The following COL11A2 variants were observed in gnomAD, a reference collection of about 807,000 sequenced individuals.
COL11A2 encodes the protein collagen alpha-2(XI) chain.
In COL11A2, 116 loss-of-function variants were observed where a neutral mutation model predicts 273.4. That is an observed-to-expected ratio of 0.42 (90% CI 0.36 to 0.49). The LOEUF is 0.49. Ranked by LOEUF, COL11A2 falls within the 20% of genes least tolerant of loss-of-function variation. COL11A2 has a pLI of 0.00. For missense variants in COL11A2, 1,866 were observed against 2,309.0 expected (o/e 0.81, Z 3.93); for synonymous variants, 782 against 864.2 (o/e 0.90, Z 1.67).
At position 33,170,579 on chromosome 6, in the gene COL11A2, T is replaced by C; in HGVS notation, c.3506A>G (p.Glu1169Gly). 6.2e-7 allele frequency: 1 copy of C among 1,612,272 alleles called. No homozygotes were observed. The highest frequency in any genetic ancestry group is 8.5e-7 in the Non-Finnish European group (1 of 1,179,798). Residue 1169 changes from glutamate to glycine, a missense_variant, in exon 47 of 66, where the codon GAA (glutamate) becomes GGA (glycine). By Grantham distance (98) the Glu-to-Gly change is moderately conservative (BLOSUM62 -2). Transcript: ENST00000341947. This position sits in a 1 kb window ranked among gnomAD's most constrained non-coding sequence, Gnocchi z 4.3. Reference sequence around the variant, plus strand: ...CACCATAGGACCCACATCTCCTGTTTCTCCCTTCTCCCCAGAGGGGCCTGG... The same window carrying C: ...CACCATAGGACCCACATCTCCTGTTCCTCCCTTCTCCCCAGAGGGGCCTGG... ...GLPGPSGEKG[E>G]TGDVGPMGPP...
rs1195261986 is a variant in COL11A2, at chr6:33,169,750, AAGG to A, written c.3690+78_3690+80del. The A allele has an allele frequency of 5.8e-6, 9 of 1,548,650 alleles. No individual in the cohort carries two copies. The African/African-American group carries it at 1.1e-4, about 19-fold the overall frequency. On this transcript the variant is annotated intron_variant, in intron 50 of 65. Transcript: ENST00000341947. The surrounding 1 kb of genome is among the most constrained non-coding windows in gnomAD (Gnocchi z 5.5). ...TCTTGCTGCAGAGGAGTTCCAGCTC[AAGG>A]AGGTCACAGGAAAAGTGGAGGCAGG... is the stretch of plus-strand genomic sequence containing the variant.
chr6:33,174,721 C>T (rs1295193033), intron 30 of COL11A2, 141 bp from the exon 31 acceptor site: 2 of 789,042 alleles, frequency 2.5e-6, no homozygotes, highest in African/African-American at 3.4e-5. Flanking sequence ...CCCCTCATTG[C>T]TTGCCCCACA....
chr6:33,177,634 G>C lies in COL11A2; in HGVS notation c.1917+28C>G, dbSNP rs1319292654. Reference sequence around the variant, plus strand: ...GCAGGGACCTCGGGGGATAAGAATGGGGGTGGGATCTCCTATCCATCACTC... The same window carrying C: ...GCAGGGACCTCGGGGGATAAGAATGCGGGTGGGATCTCCTATCCATCACTC... On this transcript the variant is annotated intron_variant, in intron 22 of 65. Transcript: ENST00000341947. The surrounding 1 kb of genome is among the most constrained non-coding windows in gnomAD (Gnocchi z 5.9). 4 of 1,612,372 alleles carry C rather than the reference G, an allele frequency of 2.5e-6. No homozygotes were observed. Among genetic ancestry groups the C allele is most frequent in the Non-Finnish European group, 3.4e-6 (4 of 1,179,594 alleles).
rs528560777 is a variant in COL11A2, at chr6:33,163,550, G to T, written c.*128C>A. 5 of 1,475,880 alleles carry T rather than the reference G, an allele frequency of 3.4e-6. No homozygotes were observed. The highest frequency in any genetic ancestry group is 2.8e-5 in the African/African-American group (2 of 71,966). The allele number at this position is 1,475,880 out of a possible 1,614,324, so 91.4% of individuals were successfully genotyped here. A position where few individuals can be genotyped will look rare whatever the true frequency, so the allele number is the denominator to read the frequency against. On this transcript the variant is annotated 3_prime_UTR_variant, in exon 66 of 66. Transcript: ENST00000341947. The surrounding 1 kb of genome is among the most constrained non-coding windows in gnomAD (Gnocchi z 4.1). ...CCTCCCCTGGCCTGCCCCGACTGAG[G>T]GCTCTCCACGCCCTGGCCCAGGGCT...
Position 33,166,685 on chromosome 6 carries a change from C to G in COL11A2, c.4338+35G>C, listed in dbSNP as rs758093145. 2 of 1,613,186 alleles carry G rather than the reference C, an allele frequency of 1.2e-6. No individual in the cohort carries two copies. The highest frequency in any genetic ancestry group is 1.1e-5 in the South Asian group (1 of 91,072). Reference sequence around the variant, plus strand: ...CCACCCCTCTCCACCCCACTCTCAACCCCCACAACTTCCGGGACCATGCCC... The same window carrying G: ...CCACCCCTCTCCACCCCACTCTCAAGCCCCACAACTTCCGGGACCATGCCC... On this transcript the variant is annotated intron_variant, in intron 59 of 65. Transcript: ENST00000341947. The surrounding 1 kb of genome is among the most constrained non-coding windows in gnomAD (Gnocchi z 4.8).
At chr6:33,186,894 G>A (rs1772491923) in intron 4 of COL11A2, 76 bp from the exon 5 acceptor site, 1 of 1,597,930 alleles carries the variant, frequency 6.3e-7, no homozygotes, top group Non-Finnish European at 8.5e-7. Flanking sequence ...AAAGAGTATA[G>A]GAGGCCAATC....
At position 33,169,321 on chromosome 6, in the gene COL11A2, T is replaced by A. The variant is rs548075851; in HGVS notation, c.3798+62A>T. ...CAAGATCCTCCCTCACACACACCCA[T>A]ATTCCCAGGTCTGTCATTCACAGGG... On this transcript the variant is annotated intron_variant, in intron 51 of 65. Coordinates refer to ENST00000341947, the MANE Select transcript of COL11A2 (RefSeq NM_080680.3). The surrounding 1 kb of genome is among the most constrained non-coding windows in gnomAD (Gnocchi z 5.5). 258 of 1,443,662 alleles carry A rather than the reference T, an allele frequency of 1.8e-4. No individual in the cohort carries two copies. In the South Asian group the frequency reaches 2.8e-3, roughly 16 times the overall value. The allele number at this position is 1,443,662 out of a possible 1,614,324, so 89.4% of individuals were successfully genotyped here.
Position 33,164,708 on chromosome 6 carries a change from A to G in COL11A2, c.4863+144T>C. Reference sequence around the variant, plus strand: ...TCAGAGGACCGGTGAAAAGGAAAAGAAGAAAGAGCTAAGAAGTGGAGAAGG... The same window carrying G: ...TCAGAGGACCGGTGAAAAGGAAAAGGAGAAAGAGCTAAGAAGTGGAGAAGG... On this transcript the variant is annotated intron_variant, in intron 64 of 65. Coordinates refer to ENST00000341947, the MANE Select transcript of COL11A2 (RefSeq NM_080680.3). This position sits in a 1 kb window ranked among gnomAD's most constrained non-coding sequence, Gnocchi z 4.7. 1.3e-6 allele frequency: 1 copy of G among 747,520 alleles called. No individual in the cohort carries two copies. Among genetic ancestry groups the G allele is most frequent in the Non-Finnish European group, 2.2e-6 (1 of 454,840 alleles). 46.3% of individuals were successfully genotyped at this position (747,520 alleles called of 1,614,324 possible).
rs750216491 is a variant in COL11A2, at chr6:33,185,690, C to G, written c.876+11G>C. On this transcript the variant is annotated intron_variant, in intron 6 of 65. Coordinates refer to ENST00000341947, the MANE Select transcript of COL11A2 (RefSeq NM_080680.3). ...AGAAAGGGAAGAAATGAAGGGGTCC[C>G]TTGAGTTTACCTGATAATCAGGGGT... 2 of 1,335,702 alleles carry G rather than the reference C, an allele frequency of 1.5e-6. No individual in the cohort carries two copies. Among genetic ancestry groups the G allele is most frequent in the Non-Finnish European group, 2.0e-6 (2 of 994,446 alleles). 82.7% of individuals were successfully genotyped at this position (1,335,702 alleles called of 1,614,324 possible). A position where few individuals can be genotyped will look rare whatever the true frequency, so the allele number is the denominator to read the frequency against.
Position 33,165,639 on chromosome 6 carries a change from TCTC to T in COL11A2, c.4657_4659del (p.Glu1553del). On this transcript the variant is annotated inframe_deletion, in exon 63 of 66. Transcript: ENST00000341947. This position sits in a 1 kb window ranked among gnomAD's most constrained non-coding sequence, Gnocchi z 7.7. ...CCTGTTGGCCGCCTCATCTGCTCGA[TCTC>T]CTCCCGCAGGGAGTCGAGTGAGCCA... 1 of 1,612,722 alleles carries T rather than the reference TCTC, an allele frequency of 6.2e-7. No homozygotes were observed. The highest frequency in any genetic ancestry group is 2.2e-5 in the East Asian group (1 of 44,830).
Position 33,163,960 on chromosome 6 carries a change from T to C in COL11A2, c.5071-142A>G. The C allele has an allele frequency of 8.2e-7, 1 of 1,217,426 alleles. No individual in the cohort carries two copies. The highest frequency in any genetic ancestry group is 1.2e-6 in the Non-Finnish European group (1 of 841,986). 75.4% of individuals were successfully genotyped at this position (1,217,426 alleles called of 1,614,324 possible). A position where few individuals can be genotyped will look rare whatever the true frequency, so the allele number is the denominator to read the frequency against. ...GATGTACAGACTGGCAGTGTCTATG[T>C]GCCCATGCGTGTGTGTTTGCTTCTC... On this transcript the variant is annotated intron_variant, in intron 65 of 65. Coordinates refer to ENST00000341947, the MANE Select transcript of COL11A2 (RefSeq NM_080680.3). This position sits in a 1 kb window ranked among gnomAD's most constrained non-coding sequence, Gnocchi z 4.1.
Position 33,166,946 on chromosome 6 carries a change from G to A in COL11A2, c.4231-119C>T. 6.6e-7 allele frequency: 1 copy of A among 1,517,850 alleles called. No homozygotes were observed. The highest frequency in any genetic ancestry group is 1.2e-5 in the South Asian group (1 of 86,324). The allele number at this position is 1,517,850 out of a possible 1,614,324, so 94.0% of individuals were successfully genotyped here. ...AGGGTCCGTGAGTGGCCCTCACTGA[G>A]CAGGGACTCCCTGGGACTGGCTGCC... On this transcript the variant is annotated intron_variant, in intron 58 of 65. Transcript: ENST00000341947. This position sits in a 1 kb window ranked among gnomAD's most constrained non-coding sequence, Gnocchi z 4.8.
rs1275959273 is a variant in COL11A2, at chr6:33,190,929, C to T, written c.82+1230G>A. Among the ~76,000 whole-genome samples, 1 of 152,104 alleles carries T rather than the reference C, an allele frequency of 6.6e-6. No individual in the cohort carries two copies. Among genetic ancestry groups the T allele is most frequent in the East Asian group, 1.9e-4 (1 of 5,196 alleles). On this transcript the variant is annotated intron_variant, in intron 1 of 65. Coordinates refer to ENST00000341947, the MANE Select transcript of COL11A2 (RefSeq NM_080680.3). This position sits in a 1 kb window ranked among gnomAD's most constrained non-coding sequence, Gnocchi z 4.5. ...CCCACACCAGGCCACATACTTGCCC[C>T]CCTGTATCCAGCCTCATCTGCCCCA... is the stretch of plus-strand genomic sequence containing the variant.
Position 33,177,516 on chromosome 6 carries a change from A to G in COL11A2, c.1918-51T>C, listed in dbSNP as rs376553891. 1 of 1,602,870 alleles carries G rather than the reference A, an allele frequency of 6.2e-7. No individual in the cohort carries two copies. The highest frequency in any genetic ancestry group is 8.5e-7 in the Non-Finnish European group (1 of 1,171,722). ...TCAGAAGGAGATGGAGATAGAACAC[A>G]TTTAGAGCATGGAGCTGAGTCCCAG... On this transcript the variant is annotated intron_variant, in intron 22 of 65. Coordinates refer to ENST00000341947, the MANE Select transcript of COL11A2 (RefSeq NM_080680.3). The surrounding 1 kb of genome is among the most constrained non-coding windows in gnomAD (Gnocchi z 5.9).
rs1302611750 is a variant in COL11A2, at chr6:33,174,160, C to T, written c.2484+5G>A. 2 of 1,588,708 alleles carry T rather than the reference C, an allele frequency of 1.3e-6. No individual in the cohort carries two copies. The highest frequency in any genetic ancestry group is 1.7e-6 in the Non-Finnish European group (2 of 1,167,474). On this transcript the variant is annotated splice_donor_5th_base_variant and intron_variant, in intron 32 of 65. Coordinates refer to ENST00000341947, the MANE Select transcript of COL11A2 (RefSeq NM_080680.3). ...CTTCTCACGCCCTCCCACCCCCCAG[C>T]TTACCCGGGCTCCCTTCTCTCCACT...
rs1213135480 is a variant in COL11A2 at position 33,186,729 on chromosome 6, C to G, written c.696G>C (p.Gln232His). ...GCTGTTGGTTTTGGGGTCTTTCCCT[C>G]TGGCCCCCCTCGCATTCCAGCTCCT... ...EQKELECEGG[Q>H]RERPQNQQPH... Residue 232 changes from glutamine to histidine, a missense_variant, in exon 5 of 66, where the codon CAG becomes CAC. Physicochemically the swap from Gln to His is conservative, Grantham distance 24. Transcript: ENST00000341947. The G allele has an allele frequency of 3.1e-6, 5 of 1,614,016 alleles. No individual in the cohort carries two copies. The African/African-American group carries it at 4.0e-5, about 13-fold the overall frequency.
Position 33,164,406 on chromosome 6 carries a change from C to T in COL11A2, c.4931G>A (p.Ser1644Asn). The change falls in exon 65 of 66, where the codon AGC (serine) becomes AAC (asparagine). Residue 1644 changes from serine (S) to asparagine (N), a missense_variant. Transcript: ENST00000341947. The surrounding 1 kb of genome is among the most constrained non-coding windows in gnomAD (Gnocchi z 4.7). ...VVQLTFLRLLSVSAHQDVSYP... is the reference protein window; with the variant it reads ...VVQLTFLRLLNVSAHQDVSYP... ...GGAGACGTCCTGGTGGGCTGAGACG[C>T]TGAGCAGCCGCAGGAAGGTGAGCTG... The T allele has an allele frequency of 6.2e-7, 1 of 1,602,368 alleles. No homozygotes were observed. Among genetic ancestry groups the T allele is most frequent in the Non-Finnish European group, 8.5e-7 (1 of 1,175,142 alleles).
In COL11A2 at chr6:33,178,915, G is replaced by GT; in HGVS notation, c.1665+4dup. On this transcript the variant is annotated splice_donor_region_variant and intron_variant, in intron 17 of 65. Coordinates refer to ENST00000341947, the MANE Select transcript of COL11A2 (RefSeq NM_080680.3). This position sits in a 1 kb window ranked among gnomAD's most constrained non-coding sequence, Gnocchi z 4.6. ...AGGCTTCAGGGAGGGGCCCAAGCCT[G>GT]TTACCTTCACTCCAGGATCTCCAGG... 6.2e-7 allele frequency: 1 copy of GT among 1,613,916 alleles called. No homozygotes were observed. Among genetic ancestry groups the GT allele is most frequent in the Non-Finnish European group, 8.5e-7 (1 of 1,179,970 alleles).
intron 10 of COL11A2, 53 bp downstream of exon 10, chr6:33,180,911 C>T: frequency 1.2e-6 from 2 of 1,609,616 alleles, no homozygotes; most frequent in African/African-American, 2.7e-5. Flanking sequence ...CAGATGAGCA[C>T]ATAGAAGGGG....
Sources: allele counts gnomAD v4.1 joint callset (sites outside exome capture counted in the v4.1 genomes callset), GRCh38; gene constraint gnomAD v4.1.1; non-coding constraint Gnocchi (gnomAD v3.1); transcripts MANE v1.5; gene names NCBI Gene and HGNC (gene_info 2026-07-23, HGNC 2026-07-21).